BMP8A: variants seen among roughly 807,000 people sequenced by gnomAD.
The protein encoded by BMP8A is BMP-8A.
Under a neutral mutation model 36.8 loss-of-function variants are expected in BMP8A, and 14 were observed. That is an observed-to-expected ratio of 0.38 (90% CI 0.25 to 0.60). BMP8A has a LOEUF of 0.60. Ranked by LOEUF, BMP8A falls within the 20% of genes least tolerant of loss-of-function variation. The pLI, the probability that BMP8A is intolerant of heterozygous loss-of-function variation, is 0.63. For synonymous variants in BMP8A, 120 were observed against 237.7 expected (o/e 0.50, Z 4.55); for missense variants, 267 against 551.1 (o/e 0.48, Z 5.16).
At chr1:39,507,139 G>A (rs879404009) in intron 1 of BMP8A, among the ~76,000 whole-genome samples, 2 of 152,158 alleles carry the variant, frequency 1.3e-5, no homozygotes, top group Non-Finnish European at 2.9e-5. Context: ...TCCTTTCAGG[G>A]CCACCATAGA....
At chr1:39,510,947 G>A (rs1194301881) in intron 1 of BMP8A, among the ~76,000 whole-genome samples, 1 of 152,198 alleles carries the variant, frequency 6.6e-6, no homozygotes, top group African/African-American at 2.4e-5. Flanking sequence ...CCAGCCAGGT[G>A]CAGGGCTCAG....
intron 3 of BMP8A, among the ~76,000 whole-genome samples, chr1:39,518,022 A>G (rs1645406453): frequency 6.6e-6 from 1 of 151,994 alleles, no homozygotes; most frequent in South Asian, 2.1e-4. Context: ...CACTTGTGTG[A>G]TGGTCCGTTG....
At chr1:39,523,872 C>T in intron 6 of BMP8A, 1 of 379,248 alleles carries the variant, frequency 2.6e-6, no homozygotes, top group Non-Finnish European at 4.3e-6. Context: ...AACGGTGATG[C>T]CTTGATCAGG....
intron 1 of BMP8A, 129 bp downstream of exon 1, chr1:39,492,454 G>A: frequency 1.6e-5 from 22 of 1,343,298 alleles, no homozygotes; most frequent in Non-Finnish European, 2.1e-5. Flanking sequence ...CCACAGGGGA[G>A]TGGGACCGCC....
At chr1:39,501,623 C>T (rs546819529) in intron 1 of BMP8A, among the ~76,000 whole-genome samples, 67 of 152,240 alleles carry the variant, frequency 4.4e-4, no homozygotes, top group Non-Finnish European at 7.1e-4. Context: ...CCTCTGATGC[C>T]TGGCTAATTT....
At chr1:39,493,872 G>T (rs1645182468) in intron 1 of BMP8A, among the ~76,000 whole-genome samples, 1 of 152,160 alleles carries the variant, frequency 6.6e-6, no homozygotes, top group African/African-American at 2.4e-5. Flanking sequence ...CCAGGGAGCC[G>T]CCCATCAGAA....
intron 1 of BMP8A, among the ~76,000 whole-genome samples, chr1:39,503,074 T>G (rs889350959): frequency 2.0e-5 from 3 of 152,080 alleles, no homozygotes; most frequent in African/African-American, 7.2e-5. Context: ...AATAAATAAC[T>G]GTAGAAGAAA....
intron 3 of BMP8A, among the ~76,000 whole-genome samples, chr1:39,514,359 A>C: frequency 7.5e-6 from 1 of 132,922 alleles, no homozygotes; most frequent in South Asian, 2.9e-4. Context: ...GCAGAGGACA[A>C]GACGGGGGGC....
chr1:39,493,231 T>A (rs991884302), intron 1 of BMP8A, among the ~76,000 whole-genome samples: 42 of 151,756 alleles, frequency 2.8e-4, no homozygotes, highest in East Asian at 1.9e-4. Context: ...GAGCAGGGAG[T>A]GGGTACCTGC....
At chr1:39,523,610 C>T in intron 6 of BMP8A, 2 of 1,435,810 alleles carry the variant, frequency 1.4e-6, no homozygotes, top group Admixed American at 3.0e-5. Flanking sequence ...GGCTCTCAAC[C>T]TTTTGGCTTT....
intron 1 of BMP8A, among the ~76,000 whole-genome samples, chr1:39,506,679 C>A (rs1309591280): frequency 6.6e-6 from 1 of 151,674 alleles, no homozygotes; most frequent in Non-Finnish European, 1.5e-5. Flanking sequence ...ATAAGGCAGC[C>A]CCCACACTCC....
rs192476170 is a variant in BMP8A at position 39,507,455 on chromosome 1, C to T, written c.335-3719C>T. Among the ~76,000 whole-genome samples the T allele has an allele frequency of 8.8e-4, 134 of 152,318 alleles. 2 individuals carry two copies. The highest frequency in any genetic ancestry group is 2.5e-3 in the Admixed American group (38 of 15,306). On this transcript the variant is annotated intron_variant, in intron 1 of 6. Coordinates refer to ENST00000331593, the MANE Select transcript of BMP8A (RefSeq NM_181809.4). ...TCTAGAGGCCTCGAGCGCTTTTGGCCAGTTCCAGCATGGTTTTAATGCCCC... is the reference window on the plus strand; with the variant it reads ...TCTAGAGGCCTCGAGCGCTTTTGGCTAGTTCCAGCATGGTTTTAATGCCCC...
At chr1:39,522,920 G>A (rs867429474) in intron 5 of BMP8A, 87 bp from the exon 6 acceptor site, 15 of 1,266,414 alleles carry the variant, frequency 1.2e-5, no homozygotes, top group South Asian at 2.9e-5. Context: ...TGGGGGAGAC[G>A]GCCCTGCAGG....
rs1001002935 is a variant in BMP8A, at chr1:39,526,749, T to A, written c.*951T>A. On this transcript the variant is annotated 3_prime_UTR_variant, in exon 7 of 7. Coordinates refer to ENST00000331593, the MANE Select transcript of BMP8A (RefSeq NM_181809.4). The stretch of plus-strand genomic sequence containing the variant: ...GCAAAGAATCCTGGGGGCTTCCAGT[T>A]CCCTCCACCATCTCTACCATGCTGA... Among the ~76,000 whole-genome samples the A allele has an allele frequency of 6.6e-6, 1 of 152,100 alleles. No individual in the cohort carries two copies. Among genetic ancestry groups the A allele is most frequent in the African/African-American group, 2.4e-5 (1 of 41,402 alleles).
intron 6 of BMP8A, chr1:39,523,920 A>G (rs1645456121): frequency 4.6e-6 from 1 of 216,974 alleles, no homozygotes; most frequent in African/African-American, 2.3e-5. Flanking sequence ...ACACGAGCCC[A>G]GAAGTTCAAG....
At chr1:39,506,625 T>A in intron 1 of BMP8A, among the ~76,000 whole-genome samples, 1 of 152,200 alleles carries the variant, frequency 6.6e-6, no homozygotes, top group South Asian at 2.1e-4. Flanking sequence ...TCTCTTTAGA[T>A]CTAAATAATC....
chr1:39,510,364 G>T (rs952836585), intron 1 of BMP8A, among the ~76,000 whole-genome samples: 2 of 116,370 alleles, frequency 1.7e-5, no homozygotes, highest in Non-Finnish European at 3.8e-5. Flanking sequence ...CCATCACCCA[G>T]TGAGACCCTC....
chr1:39,523,645 T>G (rs532346692), intron 6 of BMP8A: 18 of 1,451,518 alleles, frequency 1.2e-5, no homozygotes, highest in East Asian at 2.7e-5. Context: ...CTCTTGGCTG[T>G]CTGTGTTTTC....
chr1:39,499,186 G>A (rs889092370), intron 1 of BMP8A, among the ~76,000 whole-genome samples: 11 of 152,208 alleles, frequency 7.2e-5, no homozygotes, highest in African/African-American at 2.7e-4. Flanking sequence ...ACCTGCCTGG[G>A]GTCTGAGGAC....
Sources: gnomAD v4.1 joint callset for allele counts (sites outside exome capture counted in the v4.1 genomes callset) on GRCh38, gnomAD v4.1.1 for gene constraint, MANE v1.5 for transcripts, NCBI Gene and HGNC (gene_info 2026-07-23, HGNC 2026-07-21) for gene names.